CSMD1: variants seen among roughly 807,000 people sequenced by gnomAD.
CSMD1 encodes CUB and Sushi multiple domains 1.
CSMD1 carries 213 observed loss-of-function variants against 417.5 expected under a neutral mutation model. The ratio of observed to expected loss-of-function variants is 0.51; its 90% CI spans 0.46 to 0.57. The LOEUF (loss-of-function observed/expected upper bound fraction) is 0.57, where lower values mean the gene tolerates loss of function less well. CSMD1 is among the 20% of genes least tolerant of loss of function. CSMD1 has a pLI of 0.00. For missense variants in CSMD1, 6,923 were observed against 4,529.7 expected, an observed-to-expected ratio of 1.53 and a Z score of -15.17; for synonymous variants, 2,862 against 1,736.8, an observed-to-expected ratio of 1.65 and a Z score of -16.11.
chr8:3,357,192 G>T (rs569416517), intron 21 of CSMD1, among the ~76,000 whole-genome samples: 5 of 152,304 alleles, frequency 3.3e-5, no homozygotes, highest in East Asian at 3.9e-4. Context: ...GAAAAATCAG[G>T]AAACTGCAGG....
At chr8:4,565,439 G>A (rs544875504) in intron 2 of CSMD1, among the ~76,000 whole-genome samples, 4 of 152,064 alleles carry the variant, frequency 2.6e-5, no homozygotes, top group African/African-American at 9.6e-5. Flanking sequence ...ATTTTTTCAA[G>A]TAAAATATAG....
chr8:2,970,533 T>C (rs1478537782), intron 57 of CSMD1, among the ~76,000 whole-genome samples: 1 of 152,254 alleles, frequency 6.6e-6, no homozygotes, highest in Non-Finnish European at 1.5e-5. Context: ...AAAGTCTGAA[T>C]AATTATTCCA....
rs1176193246 is a variant in CSMD1 at position 4,750,172 on chromosome 8, A to AT, written c.86-112615dup. On this transcript the variant is annotated intron_variant, in intron 1 of 69. Transcript: ENST00000635120. ...AGGCGCCCGCCACCACGCCCGGCTA[A>AT]TTTTTTTTGTATTTTTAGTAGAGAC... Among the ~76,000 whole-genome samples the AT allele has an allele frequency of 1.5e-3, 232 of 151,440 alleles. 1 individual carries two copies. Among genetic ancestry groups the AT allele is most frequent in the African/African-American group, 5.0e-3 (207 of 41,294 alleles).
intron 5 of CSMD1, among the ~76,000 whole-genome samples, chr8:3,869,957 T>C (rs1463289649): frequency 2.0e-5 from 3 of 151,816 alleles, no homozygotes; most frequent in Admixed American, 6.5e-5. Context: ...CTATATGTCA[T>C]CTATATATTT....
chr8:3,937,632 T>G (rs996218542), intron 5 of CSMD1, among the ~76,000 whole-genome samples: 1 of 152,206 alleles, frequency 6.6e-6, no homozygotes, highest in Non-Finnish European at 1.5e-5. Context: ...CTTGCTTTCT[T>G]GCAGTCATCT....
At chr8:4,918,927 G>C (rs1046469535) in intron 1 of CSMD1, among the ~76,000 whole-genome samples, 3 of 152,090 alleles carry the variant, frequency 2.0e-5, no homozygotes, top group African/African-American at 7.2e-5. Flanking sequence ...AAAATTCTGG[G>C]GGGTGTATGT....
At chr8:3,908,149 A>G (rs1406738308) in intron 5 of CSMD1, among the ~76,000 whole-genome samples, 1 of 152,188 alleles carries the variant, frequency 6.6e-6, no homozygotes, top group African/African-American at 2.4e-5. Flanking sequence ...GGCAATCACT[A>G]TAAACCTGCA....
At chr8:4,094,446 T>C (rs191054687) in intron 3 of CSMD1, among the ~76,000 whole-genome samples, 4 of 151,786 alleles carry the variant, frequency 2.6e-5, no homozygotes, top group Non-Finnish European at 5.9e-5. Context: ...CTGTGGGAAG[T>C]GAGGTAGAGG....
chr8:3,257,064 G>A (rs1284715140), intron 26 of CSMD1, among the ~76,000 whole-genome samples: 1 of 152,162 alleles, frequency 6.6e-6, no homozygotes, highest in African/African-American at 2.4e-5. Flanking sequence ...GCTCATGCCT[G>A]TAATCCCAGC....
chr8:3,829,934 A>G (rs967790373), intron 5 of CSMD1, among the ~76,000 whole-genome samples: 3 of 152,160 alleles, frequency 2.0e-5, no homozygotes, highest in African/African-American at 7.2e-5. Flanking sequence ...TCCTTTGAAA[A>G]AAAACTGATT....
chr8:3,713,671 A>G (rs9657366), intron 6 of CSMD1, among the ~76,000 whole-genome samples: 26 of 152,256 alleles, frequency 1.7e-4, no homozygotes, highest in Non-Finnish European at 3.4e-4. Context: ...ATAAAGGGAG[A>G]TCAGATAACC....
intron 3 of CSMD1, among the ~76,000 whole-genome samples, chr8:4,246,856 CAAAT>C (rs543903272): frequency 2.6e-5 from 4 of 152,218 alleles, no homozygotes; most frequent in South Asian, 4.2e-4. Context: ...GCTGAACACT[CAAAT>C]AATCTACAAA....
chr8:4,468,737 C>A (rs944453163), intron 2 of CSMD1, among the ~76,000 whole-genome samples: 1 of 152,178 alleles, frequency 6.6e-6, no homozygotes, highest in African/African-American at 2.4e-5. Flanking sequence ...GGAGAGCCTA[C>A]TCTGGGCTTG....
intron 1 of CSMD1, among the ~76,000 whole-genome samples, chr8:4,913,171 G>A: frequency 6.6e-6 from 1 of 152,282 alleles, no homozygotes; most frequent in African/African-American, 2.4e-5. Flanking sequence ...AGGACAGTGG[G>A]TCTTGCAAAG....
At chr8:3,281,168 C>A (rs916774511) in intron 26 of CSMD1, among the ~76,000 whole-genome samples, 3 of 152,088 alleles carry the variant, frequency 2.0e-5, no homozygotes, top group Admixed American at 6.6e-5. Context: ...ACAGGCTGGG[C>A]GAGGTGGCTC....
intron 3 of CSMD1, among the ~76,000 whole-genome samples, chr8:4,062,271 A>G (rs944642953): frequency 3.3e-5 from 5 of 152,106 alleles, no homozygotes; most frequent in African/African-American, 1.2e-4. Context: ...ATGCTGCAAT[A>G]AAACCAAAGT....
chr8:3,852,308 G>C (rs993246972), intron 5 of CSMD1, among the ~76,000 whole-genome samples: 4 of 152,170 alleles, frequency 2.6e-5, no homozygotes, highest in Admixed American at 6.5e-5. Context: ...ATCAGAGGTG[G>C]GGTTTGTAGG....
chr8:4,306,439 A>G (rs1798252305), intron 3 of CSMD1, among the ~76,000 whole-genome samples: 1 of 152,232 alleles, frequency 6.6e-6, no homozygotes, highest in Non-Finnish European at 1.5e-5. Flanking sequence ...AGTTCAATTG[A>G]TAAAAAATAT....
chr8:3,144,488 C>G (rs1350802220), intron 40 of CSMD1, among the ~76,000 whole-genome samples: 1 of 151,922 alleles, frequency 6.6e-6, no homozygotes, highest in African/African-American at 2.4e-5. Context: ...ATTTAGAATT[C>G]TTTTTAGAAT....
Sources: gnomAD v4.1 joint callset for allele counts (sites outside exome capture counted in the v4.1 genomes callset) on GRCh38, gnomAD v4.1.1 for gene constraint, MANE v1.5 for transcripts, NCBI Gene and HGNC (gene_info 2026-07-23, HGNC 2026-07-21) for gene names.